BCL6: variants seen among roughly 807,000 people sequenced by gnomAD.
The protein encoded by BCL6 is B-cell lymphoma 6 protein.
A neutral mutation model predicts 59.5 loss-of-function variants in BCL6; 7 were observed. The observed-to-expected ratio is 0.12, with a 90% CI of 0.07 to 0.22. The LOEUF (loss-of-function observed/expected upper bound fraction) is 0.22. Ranked by LOEUF, BCL6 falls within the 10% of genes least tolerant of loss-of-function variation. BCL6 has a pLI of 1.00. For missense variants in BCL6, 685 were observed against 939.4 expected (o/e 0.73, Z 3.54); for synonymous variants, 339 against 349.7 (o/e 0.97, Z 0.34).
intron 1 of BCL6, among the ~76,000 whole-genome samples, chr3:187,744,631 T>C (rs1711801479): frequency 6.6e-6 from 1 of 151,982 alleles, no homozygotes; most frequent in South Asian, 2.1e-4. Flanking sequence ...CTTCCAAATC[T>C]CGGTTCGGCT....
chr3:187,723,457 A>G (rs1482017059), intron 9 of BCL6, among the ~76,000 whole-genome samples: 1 of 152,232 alleles, frequency 6.6e-6, no homozygotes, highest in Non-Finnish European at 1.5e-5. Flanking sequence ...TATTATCAGT[A>G]TTGGTTCATT....
intron 1 of BCL6, among the ~76,000 whole-genome samples, chr3:187,744,728 AGTTACCCAG>A: frequency 6.6e-6 from 1 of 152,128 alleles, no homozygotes; most frequent in Non-Finnish European, 1.5e-5. Flanking sequence ...TGCCTCCCGG[AGTTACCCAG>A]AAGGACAGGG....
intron 7 of BCL6, among the ~76,000 whole-genome samples, chr3:187,726,379 T>C (rs1718694286): frequency 6.6e-6 from 1 of 152,246 alleles, no homozygotes; most frequent in Admixed American, 6.5e-5. Flanking sequence ...GAACAAGTCA[T>C]TGAAACAAAT....
At chr3:187,731,451 G>A (rs1259119715) in intron 4 of BCL6, among the ~76,000 whole-genome samples, 2 of 152,024 alleles carry the variant, frequency 1.3e-5, no homozygotes, top group African/African-American at 2.4e-5. Context: ...CTTGCAGGAT[G>A]GGTGGGAGGA....
chr3:187,731,348 C>A (rs1405106495), intron 4 of BCL6, among the ~76,000 whole-genome samples: 1 of 151,964 alleles, frequency 6.6e-6, no homozygotes, highest in Non-Finnish European at 1.5e-5. Context: ...TTTAAAGCAC[C>A]AGCAAAATGC....
intron 3 of BCL6, 160 bp downstream of exon 3, chr3:187,733,373 C>T: frequency 1.3e-6 from 1 of 773,540 alleles, no homozygotes; most frequent in Non-Finnish European, 2.1e-6. Flanking sequence ...TTCATTCATT[C>T]ACTTGGGAGC....
intron 7 of BCL6, among the ~76,000 whole-genome samples, chr3:187,726,221 C>T (rs1369169104): frequency 6.6e-6 from 1 of 152,178 alleles, no homozygotes; most frequent in Non-Finnish European, 1.5e-5. Context: ...TGAGTAGATG[C>T]TCAGCAGAGG....
chr3:187,744,340 C>T (rs565430704), intron 1 of BCL6, among the ~76,000 whole-genome samples: 4 of 151,436 alleles, frequency 2.6e-5, no homozygotes, highest in South Asian at 4.2e-4. Context: ...CCCCAAGAAG[C>T]CCTGTCCCGC....
intron 4 of BCL6, 44 bp from the exon 5 acceptor site, chr3:187,730,065 A>G (rs1718965701): frequency 6.6e-7 from 1 of 1,519,060 alleles, no homozygotes. Context: ...CCAAATCAGA[A>G]CTGTTAAATA....
chr3:187,733,162 AC>A (rs1355054043), intron 3 of BCL6, among the ~76,000 whole-genome samples: 2 of 152,344 alleles, frequency 1.3e-5, no homozygotes, highest in South Asian at 2.1e-4. Context: ...AAAGAGCAAA[AC>A]ATTTCAAATT....
chr3:187,741,814 AT>A (rs1359206535), intron 1 of BCL6, among the ~76,000 whole-genome samples: 2 of 152,128 alleles, frequency 1.3e-5, no homozygotes, highest in East Asian at 3.9e-4. Context: ...AAACTACAGC[AT>A]TTCCAGCCAC....
chr3:187,722,337 TGA>T lies in BCL6; in HGVS notation c.*119_*120del. The T allele has an allele frequency of 4.1e-6, 1 of 243,082 alleles. No individual in the cohort carries two copies. Among genetic ancestry groups the T allele is most frequent in the Non-Finnish European group, 6.6e-6 (1 of 152,034 alleles). The allele number at this position is 243,082 out of a possible 1,614,324, so 15.1% of individuals were successfully genotyped here. ...CCCCACCACCCCCAACCCCCAGCTA[TGA>T]TTTGCACTAGTGGATGAAAGAGGCA... On this transcript the variant is annotated 3_prime_UTR_variant, in exon 10 of 10. Coordinates refer to ENST00000406870, the MANE Select transcript of BCL6 (RefSeq NM_001706.5).
rs544079523 is a variant in BCL6, at chr3:187,725,442, G to A, written c.1839+57C>T. The A allele has an allele frequency of 1.8e-5, 28 of 1,540,808 alleles. No individual in the cohort carries two copies. The African/African-American group carries it at 2.6e-4, about 14-fold the overall frequency. On this transcript the variant is annotated intron_variant, in intron 8 of 9. Transcript: ENST00000406870. The surrounding 1 kb of genome is among the most constrained non-coding windows in gnomAD (Gnocchi z 4.7). ...CCTCCGCTTGCCTGCCCACTCCTCC[G>A]CTCGCCTGCCCGCTCCGCTCGCCTG...
chr3:187,725,480 G>A lies in BCL6; in HGVS notation c.1839+19C>T, dbSNP rs184983595. On this transcript the variant is annotated intron_variant, in intron 8 of 9. Transcript: ENST00000406870. This position sits in a 1 kb window ranked among gnomAD's most constrained non-coding sequence, Gnocchi z 4.7. ...CTCCGCTCGCCTGCCCGCTCCGCTC[G>A]CCTGCCCACTCTGCTCACCTGTACA... 3,787 of 1,575,148 alleles carry A rather than the reference G, an allele frequency of 2.4e-3. 32 individuals carry two copies. The highest frequency in any genetic ancestry group is 1.7e-3 in the Non-Finnish European group (1,989 of 1,160,398).
intron 6 of BCL6, 82 bp from the exon 7 acceptor site, chr3:187,726,980 C>A (rs2108559871): frequency 6.8e-7 from 1 of 1,478,964 alleles, no homozygotes; most frequent in Middle Eastern, 1.9e-4. Flanking sequence ...TCTGTAGCTA[C>A]CCCTTGTGCC....
At position 187,729,177 on chromosome 3, in the gene BCL6, C is replaced by T; in HGVS notation, c.1228G>A (p.Ala410Thr). ...LGRLSPRAYT[A>T]PPACQPPMEP... Reference sequence around the variant, plus strand: ...ATGGGTGGCTGGCAGGCAGGTGGGGCCGTGTAGGCTCGTGGGGAAAGGCGG... The same window carrying T: ...ATGGGTGGCTGGCAGGCAGGTGGGGTCGTGTAGGCTCGTGGGGAAAGGCGG... Residue 410 changes from alanine to threonine, a missense_variant, in exon 5 of 10, where the codon GCC (alanine) becomes ACC (threonine). Ala to Thr is a moderately conservative substitution (Grantham distance 58). Around this residue, in one of 7 missense-constraint regions of BCL6, gnomAD observed 207 missense variants for 213.7 expected, o/e 0.97. Transcript: ENST00000406870. The surrounding 1 kb of genome is among the most constrained non-coding windows in gnomAD (Gnocchi z 5.6). The T allele has an allele frequency of 2.5e-6, 4 of 1,612,296 alleles. No individual in the cohort carries two copies. The highest frequency in any genetic ancestry group is 3.4e-6 in the Non-Finnish European group (4 of 1,178,762).
intron 1 of BCL6, among the ~76,000 whole-genome samples, chr3:187,745,115 G>A (rs1711868355): frequency 6.6e-6 from 1 of 151,998 alleles, no homozygotes; most frequent in Admixed American, 6.6e-5. Context: ...TTCACTCAAA[G>A]ACAACAATAA....
At chr3:187,744,720 C>T (rs192504898) in intron 1 of BCL6, among the ~76,000 whole-genome samples, 7 of 152,000 alleles carry the variant, frequency 4.6e-5, no homozygotes, top group Admixed American at 1.3e-4. Context: ...TCCCTTTTTG[C>T]CTCCCGGAGT....
At position 187,726,836 on chromosome 3, in the gene BCL6, T is replaced by C. The variant is rs747910667; in HGVS notation, c.1603A>G (p.Arg535Gly). ...TCACTGTGGGTCTGCAGCGTGTGCC[T>C]CTTGAGTGAGGCCTCCTCAGAGAAG... is the stretch of plus-strand genomic sequence containing the variant. ...CRFSEEASLK[R>G]HTLQTHSDKP... The change falls in exon 7 of 10, where the codon AGG becomes GGG. Residue 535 changes from arginine to glycine, a missense_variant. By Grantham distance (125) the Arg-to-Gly change is moderately radical (BLOSUM62 -2). Coordinates refer to ENST00000406870, the MANE Select transcript of BCL6 (RefSeq NM_001706.5). The C allele has an allele frequency of 1.4e-5, 23 of 1,614,186 alleles. No individual in the cohort carries two copies. Among genetic ancestry groups the C allele is most frequent in the Non-Finnish European group, 1.3e-5 (15 of 1,180,046 alleles).
Sources: gnomAD v4.1 joint callset for allele counts (sites outside exome capture counted in the v4.1 genomes callset) on GRCh38, gnomAD v4.1.1 for gene constraint, gnomAD v4.1.1 regional missense constraint, Gnocchi (gnomAD v3.1) non-coding constraint, MANE v1.5 for transcripts, NCBI Gene and HGNC (gene_info 2026-07-23, HGNC 2026-07-21) for gene names.